The following ARHGEF10 variants were observed in gnomAD, a reference collection of about 807,000 sequenced individuals.
ARHGEF10 encodes the protein Rho guanine nucleotide exchange factor (GEF) 10.
In ARHGEF10, 140 loss-of-function variants were observed where a neutral mutation model predicts 147.4. That is an observed-to-expected ratio of 0.95 (90% CI 0.83 to 1.09). ARHGEF10 has a LOEUF of 1.09. Among genes scored for constraint, ARHGEF10 ranks in the 50% least tolerant of loss-of-function variants. The pLI, the probability that ARHGEF10 is intolerant of heterozygous loss-of-function variation, is 0.00. For missense variants in ARHGEF10, 2,222 were observed against 1,752.7 expected (o/e 1.27, Z -4.78); for synonymous variants, 902 against 695.8 (o/e 1.30, Z -4.67).
intron 1 of ARHGEF10, among the ~76,000 whole-genome samples, chr8:1,827,871 A>T (rs371638833): frequency 2.0e-4 from 30 of 152,196 alleles, no homozygotes; most frequent in African/African-American, 7.2e-4. Context: ...CAGAGCTGTG[A>T]CTGGTGCGGG....
intron 2 of ARHGEF10, among the ~76,000 whole-genome samples, chr8:1,844,489 G>GAAT (rs1804389981): frequency 4.4e-5 from 1 of 22,736 alleles, no homozygotes; most frequent in Non-Finnish European, 1.3e-4. Flanking sequence ...CCCAGAAACA[G>GAAT]CCAGCGACAC....
rs371329331 is a variant in ARHGEF10, at chr8:1,882,067, C to A, written c.961-568C>A. Among the ~76,000 whole-genome samples, 570 of 152,326 alleles carry A rather than the reference C, an allele frequency of 3.7e-3. 6 individuals are homozygous for A. Among genetic ancestry groups the A allele is most frequent in the South Asian group, 0.018 (86 of 4,826 alleles). Reference sequence around the variant, plus strand: ...GGCCAGGGGGACATGGCTTCCGAGTCTGACATCCGCAGCGTGCTGCACCCC... The same window carrying A: ...GGCCAGGGGGACATGGCTTCCGAGTATGACATCCGCAGCGTGCTGCACCCC... On this transcript the variant is annotated intron_variant, in intron 9 of 28. Coordinates refer to ENST00000349830, the MANE Select transcript of ARHGEF10 (RefSeq NM_014629.4).
rs1806638143 is a variant in ARHGEF10, at chr8:1,866,574, A to G, written c.594A>G (p.Ala198=). 2 of 1,607,778 alleles carry G rather than the reference A, an allele frequency of 1.2e-6. No homozygotes were observed. Among genetic ancestry groups the G allele is most frequent in the Non-Finnish European group, 8.5e-7 (1 of 1,179,980 alleles). Residue 198 remains alanine (A), a synonymous_variant, in exon 6 of 29, where the codon GCA becomes GCG. Transcript: ENST00000349830. ...REDSALARWA[A]DPANTAWMEN... is the part of the protein sequence containing the mutation. Reference sequence around the variant, plus strand: ...ACAGCGCACTTGCCCGCTGGGCCGCAGACCCGGCCAACACAGCCTGGATGG... The same window carrying G: ...ACAGCGCACTTGCCCGCTGGGCCGCGGACCCGGCCAACACAGCCTGGATGG...
intron 22 of ARHGEF10, among the ~76,000 whole-genome samples, chr8:1,926,175 T>G (rs950718400): frequency 6.6e-6 from 1 of 152,208 alleles, no homozygotes; most frequent in South Asian, 2.1e-4. Context: ...TGAATCTCCT[T>G]AGGTGTTCAC....
chr8:1,889,826 G>C (rs1244295580), intron 11 of ARHGEF10, among the ~76,000 whole-genome samples: 102 of 142,772 alleles, frequency 7.1e-4, no homozygotes, highest in African/African-American at 2.5e-3. Context: ...GGGTTTGTGA[G>C]AAGACACTAG....
intron 17 of ARHGEF10, among the ~76,000 whole-genome samples, chr8:1,909,027 A>C (rs942643150): frequency 1.3e-5 from 2 of 152,216 alleles, no homozygotes; most frequent in Admixed American, 6.5e-5. Flanking sequence ...GCTTCCTGTT[A>C]AGCCTTTATG....
intron 5 of ARHGEF10, among the ~76,000 whole-genome samples, chr8:1,865,021 T>G (rs1049823867): frequency 6.6e-5 from 10 of 152,270 alleles, no homozygotes; most frequent in African/African-American, 2.4e-4. Flanking sequence ...GAATGTAGTG[T>G]GAGGAAAACC....
intron 1 of ARHGEF10, among the ~76,000 whole-genome samples, chr8:1,832,427 CAG>C (rs1237719269): frequency 3.4e-5 from 4 of 118,686 alleles, no homozygotes; most frequent in African/African-American, 3.4e-5. Context: ...CAGAGAGAGA[CAG>C]AGGCAGACAG....
Position 1,880,151 on chromosome 8 carries a change from A to T in ARHGEF10, c.947A>T (p.Lys316Met). ...GTGGAGATTCAGCAGCTCAGGCAGA[A>T]GCATGAACTGAAGGTAGAGTCTTGC... is the stretch of plus-strand genomic sequence containing the variant. ...GVVEIQQLRQ[K>M]HELKMQKLVK... Residue 316 changes from lysine (K) to methionine (M), a missense_variant, in exon 9 of 29, where the codon AAG becomes ATG. Coordinates refer to ENST00000349830, the MANE Select transcript of ARHGEF10 (RefSeq NM_014629.4). 1 of 1,613,004 alleles carries T rather than the reference A, an allele frequency of 6.2e-7. No individual in the cohort carries two copies. The highest frequency in any genetic ancestry group is 8.5e-7 in the Non-Finnish European group (1 of 1,179,030).
At chr8:1,931,398 A>G (rs3779704) in intron 25 of ARHGEF10, among the ~76,000 whole-genome samples, 22,322 of 152,218 alleles carry the variant, frequency 0.15, 1,862 homozygotes, top group East Asian at 0.34. Flanking sequence ...GCATCTCTCC[A>G]GCCTCTTACT....
At chr8:1,938,123 G>T (rs1743322316) in intron 26 of ARHGEF10, among the ~76,000 whole-genome samples, 2 of 152,230 alleles carry the variant, frequency 1.3e-5, no homozygotes, top group South Asian at 4.1e-4. Context: ...CACGGTGCCA[G>T]TCACAGTCAC....
At chr8:1,843,110 T>G (rs1214835171) in intron 1 of ARHGEF10, among the ~76,000 whole-genome samples, 7 of 152,220 alleles carry the variant, frequency 4.6e-5, no homozygotes, top group African/African-American at 9.7e-5. Flanking sequence ...AAAATAAACT[T>G]CTGGCTACAT....
At chr8:1,936,965 C>T (rs556592264) in intron 26 of ARHGEF10, among the ~76,000 whole-genome samples, 2 of 152,120 alleles carry the variant, frequency 1.3e-5, no homozygotes, top group African/African-American at 2.4e-5. Context: ...GAGGTCCACA[C>T]TGGGGCAAGG....
chr8:1,946,221 G>A (rs560885053), intron 27 of ARHGEF10, among the ~76,000 whole-genome samples: 10 of 152,322 alleles, frequency 6.6e-5, no homozygotes, highest in South Asian at 2.1e-4. Flanking sequence ...CTTCTTTCAC[G>A]GGTAGCCGGA....
In ARHGEF10 at chr8:1,903,376, A is replaced by G; in HGVS notation, c.1746A>G (p.Glu582=). The G allele has an allele frequency of 6.2e-7, 1 of 1,614,208 alleles. No individual in the cohort carries two copies. The highest frequency in any genetic ancestry group is 1.3e-5 in the African/African-American group (1 of 75,056). ...AAACACTAGCAGAGAAGTTAAATGA[A>G]AGAAAGAGAGATGCTGATCAACGCT... ...ELETLAEKLN[E]RKRDADQRCE... is the part of the protein sequence containing the mutation. Residue 582 remains glutamate (E), a synonymous_variant, in exon 16 of 29, where the codon GAA becomes GAG. Coordinates refer to ENST00000349830, the MANE Select transcript of ARHGEF10 (RefSeq NM_014629.4).
intron 25 of ARHGEF10, 53 bp from the exon 26 acceptor site, chr8:1,933,747 A>G (rs1356668284): frequency 4.3e-6 from 7 of 1,609,696 alleles, no homozygotes; most frequent in Admixed American, 1.7e-5. Flanking sequence ...CCATTTTCCC[A>G]TTCCTGTGCA....
chr8:1,840,908 T>C (rs1367174410), intron 1 of ARHGEF10, among the ~76,000 whole-genome samples: 1 of 152,190 alleles, frequency 6.6e-6, no homozygotes, highest in African/African-American at 2.4e-5. Flanking sequence ...ACGGGTGCGC[T>C]GGCCGGCACT....
At chr8:1,876,446 C>G (rs942224803) in intron 7 of ARHGEF10, 125 bp from the exon 8 acceptor site, 3 of 1,051,352 alleles carry the variant, frequency 2.9e-6, no homozygotes, top group Non-Finnish European at 4.4e-6. Flanking sequence ...CCGCAGGGTC[C>G]TCAGCATGAT....
intron 15 of ARHGEF10, among the ~76,000 whole-genome samples, chr8:1,901,167 G>A (rs1308001887): frequency 6.6e-6 from 1 of 152,046 alleles, no homozygotes; most frequent in Non-Finnish European, 1.5e-5. Context: ...ACCCGGGATG[G>A]GGCGAGGAGA....
Sources: allele counts gnomAD v4.1 joint callset (sites outside exome capture counted in the v4.1 genomes callset), GRCh38; gene constraint gnomAD v4.1.1; transcripts MANE v1.5; gene names NCBI Gene and HGNC (gene_info 2026-07-23, HGNC 2026-07-21).